Variants in CELF4 observed in about 807,000 individuals in gnomAD.
CELF4 encodes the protein CUG-BP- and ETR-3-like factor 4.
In CELF4, 18 loss-of-function variants were observed where a neutral mutation model predicts 59.9. That is an observed-to-expected ratio of 0.30 (90% confidence interval 0.21 to 0.45). CELF4 has a LOEUF of 0.45. CELF4 is among the 20% of genes least tolerant of loss of function. The pLI is 1.00. For missense variants in CELF4, 456 were observed against 689.0 expected, an observed-to-expected ratio of 0.66 and a Z score of 3.79; for synonymous variants, 261 against 267.1, an observed-to-expected ratio of 0.98 and a Z score of 0.22.
At chr18:37,483,817 C>A (rs1264312041) in intron 2 of CELF4, among the ~76,000 whole-genome samples, 1 of 152,218 alleles carries the variant, frequency 6.6e-6, no homozygotes, top group Non-Finnish European at 1.5e-5. Flanking sequence ...GCTGCTCAAC[C>A]AAATTACCTT....
At chr18:37,527,680 T>C (rs2099965436) in intron 1 of CELF4, among the ~76,000 whole-genome samples, 1 of 152,152 alleles carries the variant, frequency 6.6e-6, no homozygotes, top group African/African-American at 2.4e-5. Flanking sequence ...CAGGCTGGCT[T>C]TCCAGGCTCT....
chr18:37,329,315 C>T (rs930114448), intron 2 of CELF4, among the ~76,000 whole-genome samples: 1 of 152,236 alleles, frequency 6.6e-6, no homozygotes, highest in African/African-American at 2.4e-5. Flanking sequence ...AACCTTGGGC[C>T]TGAGGACTGC....
chr18:37,463,655 AG>A (rs1307197185), intron 2 of CELF4, among the ~76,000 whole-genome samples: 2 of 152,038 alleles, frequency 1.3e-5, no homozygotes, highest in Admixed American at 1.3e-4. Context: ...GCCTTCACCC[AG>A]TTGGGCCTGA....
intron 1 of CELF4, among the ~76,000 whole-genome samples, chr18:37,501,103 G>T (rs940765565): frequency 6.6e-6 from 1 of 152,234 alleles, no homozygotes; most frequent in African/African-American, 2.4e-5. Context: ...GTGAGAGAAG[G>T]TGGGGGTGGC....
In CELF4 at chr18:37,337,630, C is replaced by T. The variant is rs1178148590; in HGVS notation, c.370-15749G>A. On this transcript the variant is annotated intron_variant, in intron 2 of 12. Transcript: ENST00000420428. ...CCCTCAGTGACTGAGGCTTCATCTC[C>T]AGATGGCAGCGTCCTCTGCCTCGGA... 2.0e-5 allele frequency among the ~76,000 whole-genome samples: 3 copies of T among 152,214 alleles called. No individual in the cohort carries two copies. The East Asian group carries it at 5.8e-4, about 29-fold the overall frequency.
chr18:37,529,303 G>C (rs1476777027), intron 1 of CELF4: 1 of 152,298 alleles, frequency 6.6e-6, no homozygotes, highest in Non-Finnish European at 1.5e-5. Flanking sequence ...CCTGAGAGGT[G>C]AGAGGTGAGC....
chr18:37,555,960 G>A lies in CELF4; in HGVS notation c.286+9396C>T, dbSNP rs549603151. 3.3e-5 allele frequency among the ~76,000 whole-genome samples: 5 copies of A among 152,304 alleles called. No individual in the cohort carries two copies. The East Asian group carries it at 9.6e-4, about 29-fold the overall frequency. On this transcript the variant is annotated intron_variant, in intron 1 of 12. Transcript: ENST00000420428. Reference sequence around the variant, plus strand: ...TGTATGTAAGTGTGCGTGTGACTGTGTGTATGAGTGTGTGTGTGTGAGTCT... The same window carrying A: ...TGTATGTAAGTGTGCGTGTGACTGTATGTATGAGTGTGTGTGTGTGAGTCT...
chr18:37,306,625 G>A (rs2096417530), intron 3 of CELF4, among the ~76,000 whole-genome samples: 1 of 152,204 alleles, frequency 6.6e-6, no homozygotes, highest in Non-Finnish European at 1.5e-5. Context: ...GCTCTGTGCT[G>A]CCCCTGCCTG....
At chr18:37,497,565 G>A (rs1419956296) in intron 1 of CELF4, among the ~76,000 whole-genome samples, 2 of 151,834 alleles carry the variant, frequency 1.3e-5, no homozygotes, top group African/African-American at 2.4e-5. Context: ...GACAGGAGAG[G>A]CGCTTGAACC....
intron 2 of CELF4, among the ~76,000 whole-genome samples, chr18:37,474,882 C>G (rs1277323582): frequency 6.6e-6 from 1 of 152,218 alleles, no homozygotes; most frequent in Non-Finnish European, 1.5e-5. Context: ...ACTTCCAGCT[C>G]GAGGGCTTCC....
At chr18:37,264,514 G>A (rs991636960) in intron 10 of CELF4, among the ~76,000 whole-genome samples, 160 bp downstream of exon 10, 5 of 152,224 alleles carry the variant, frequency 3.3e-5, no homozygotes, top group Admixed American at 6.5e-5. Flanking sequence ...GTTGGAGAGC[G>A]CCACTCCTCA....
chr18:37,468,187 G>A (rs1041622192), intron 2 of CELF4, among the ~76,000 whole-genome samples: 2 of 152,234 alleles, frequency 1.3e-5, no homozygotes, highest in African/African-American at 4.8e-5. Context: ...CTGGGCCTTA[G>A]AAAATGGGAA....
At chr18:37,425,199 G>C (rs747284615) in intron 2 of CELF4, among the ~76,000 whole-genome samples, 1 of 152,224 alleles carries the variant, frequency 6.6e-6, no homozygotes, top group Non-Finnish European at 1.5e-5. Flanking sequence ...GAAGGTGCTC[G>C]GCCATGACTG....
At chr18:37,486,482 C>T (rs1349275465) in intron 1 of CELF4, among the ~76,000 whole-genome samples, 3 of 152,206 alleles carry the variant, frequency 2.0e-5, no homozygotes, top group Non-Finnish European at 2.9e-5. Flanking sequence ...GGTGTGGTGA[C>T]AAGGCCAAGA....
intron 1 of CELF4, among the ~76,000 whole-genome samples, chr18:37,520,990 G>C (rs1472162679): frequency 1.3e-5 from 2 of 151,732 alleles, no homozygotes; most frequent in Non-Finnish European, 2.9e-5. Context: ...CATGGGGAGG[G>C]GTCCCTCAGG....
At chr18:37,518,726 C>T (rs1048836687) in intron 1 of CELF4, among the ~76,000 whole-genome samples, 7 of 152,204 alleles carry the variant, frequency 4.6e-5, no homozygotes, top group Non-Finnish European at 8.8e-5. Context: ...CAGAGTCCAG[C>T]GTGCCCCACA....
intron 12 of CELF4, among the ~76,000 whole-genome samples, chr18:37,252,928 C>A (rs2066456245): frequency 6.6e-6 from 1 of 151,940 alleles, no homozygotes; most frequent in African/African-American, 2.4e-5. Flanking sequence ...TTCACCTCTG[C>A]TCTGTGAAGA....
At chr18:37,495,969 A>G (rs2099924765) in intron 1 of CELF4, among the ~76,000 whole-genome samples, 1 of 152,082 alleles carries the variant, frequency 6.6e-6, no homozygotes, top group Non-Finnish European at 1.5e-5. Flanking sequence ...GCTTCTTAGG[A>G]CAGACCCTCC....
At chr18:37,537,651 G>A (rs1051805880) in intron 1 of CELF4, among the ~76,000 whole-genome samples, 3 of 152,208 alleles carry the variant, frequency 2.0e-5, no homozygotes, top group African/African-American at 4.8e-5. Context: ...TCCTTGCTTC[G>A]CTGTAGGGGT....
Sources: allele counts gnomAD v4.1 joint callset (sites outside exome capture counted in the v4.1 genomes callset), GRCh38; gene constraint gnomAD v4.1.1; transcripts MANE v1.5; gene names NCBI Gene and HGNC (gene_info 2026-07-23, HGNC 2026-07-21).